Variants in TCF7L2 observed in about 807,000 individuals in gnomAD.
The protein encoded by TCF7L2 is transcription factor 7 like 2.
Under a neutral mutation model 77.9 loss-of-function variants are expected in TCF7L2, and 23 were observed. The ratio of observed to expected loss-of-function variants is 0.30; its 90% CI spans 0.21 to 0.42. TCF7L2 has a LOEUF of 0.42. TCF7L2 is among the 10% of genes least tolerant of loss of function. The pLI, the probability that TCF7L2 is intolerant of heterozygous loss-of-function variation, is 1.00. For synonymous variants in TCF7L2, 413 were observed against 340.2 expected (o/e 1.21, Z -2.36); for missense variants, 654 against 793.1 (o/e 0.82, Z 2.11).
intron 11 of TCF7L2, 141 bp from the exon 12 acceptor site, chr10:113,157,880 G>A (rs2072297169): frequency 1.2e-6 from 1 of 838,162 alleles, no homozygotes; most frequent in Non-Finnish European, 1.9e-6. Context: ...GGGGTTGGAG[G>A]TTGGACAAAT....
chr10:113,056,413 G>T (rs552592987), intron 5 of TCF7L2, among the ~76,000 whole-genome samples: 110 of 152,322 alleles, frequency 7.2e-4, no homozygotes, highest in Non-Finnish European at 2.9e-4. Context: ...ACAGAAAGAA[G>T]GGGAAGAGCT....
intron 5 of TCF7L2, among the ~76,000 whole-genome samples, chr10:113,108,775 T>A (rs1358395040): frequency 1.4e-4 from 22 of 152,166 alleles, no homozygotes; most frequent in Admixed American, 1.4e-3. Flanking sequence ...GAGGTTGCTG[T>A]TTTCCTCCAG....
At position 113,072,495 on chromosome 10, in the gene TCF7L2, C is replaced by T. The variant is rs373378563; in HGVS notation, c.552+32369C>T. Among the ~76,000 whole-genome samples the T allele has an allele frequency of 1.9e-3, 293 of 152,268 alleles. 2 individuals carry two copies. The highest frequency in any genetic ancestry group is 6.7e-3 in the African/African-American group (278 of 41,548). On this transcript the variant is annotated intron_variant, in intron 5 of 13. Coordinates refer to ENST00000627217, the MANE Select transcript of TCF7L2 (RefSeq NM_001146274.2). ...TCAGCCTCCTGAGTAGCTGGGATTA[C>T]AGGCGTGTGCCACCGCCTCCAGCTA...
At chr10:113,141,126 A>G (rs2136831788) in intron 5 of TCF7L2, 58 bp from the exon 6 acceptor site, 1 of 1,599,144 alleles carries the variant, frequency 6.3e-7, no homozygotes. Flanking sequence ...CGGTGCTCTG[A>G]AGCCCTGGGC....
intron 4 of TCF7L2, among the ~76,000 whole-genome samples, chr10:112,989,035 C>T (rs755350001): frequency 6.6e-6 from 1 of 152,006 alleles, no homozygotes; most frequent in Admixed American, 6.6e-5. Context: ...TCATGCTCTG[C>T]GGTTGCTATG....
At chr10:113,072,080 G>A (rs1171572600) in intron 5 of TCF7L2, among the ~76,000 whole-genome samples, 6 of 151,908 alleles carry the variant, frequency 3.9e-5, no homozygotes, top group Non-Finnish European at 7.4e-5. Context: ...TTTTTGAGAC[G>A]GAGTCTTGCT....
At chr10:113,037,889 C>G (rs1368339189) in intron 4 of TCF7L2, among the ~76,000 whole-genome samples, 1 of 152,002 alleles carries the variant, frequency 6.6e-6, no homozygotes, top group Non-Finnish European at 1.5e-5. Flanking sequence ...TGGTGGGTGT[C>G]CATTTTGGTT....
intron 12 of TCF7L2, 118 bp from the exon 14 acceptor site, chr10:113,159,802 T>A (rs1477634732): frequency 1.5e-6 from 1 of 688,646 alleles, no homozygotes; most frequent in East Asian, 2.9e-5. Flanking sequence ...TTTTTATTTT[T>A]ATTTTTTTCT....
chr10:113,067,795 A>G (rs992748059), intron 5 of TCF7L2, among the ~76,000 whole-genome samples: 8 of 151,688 alleles, frequency 5.3e-5, no homozygotes, highest in Non-Finnish European at 1.2e-4. Context: ...GGAGGGTTAT[A>G]TATGACCTTC....
chr10:112,951,325 G>T (rs2134195328), intron 2 of TCF7L2, 52 bp downstream of exon 2: 1 of 987,024 alleles, frequency 1.0e-6, no homozygotes. Context: ...CCCCGGGCCG[G>T]CCGCCCCGCG....
intron 5 of TCF7L2, among the ~76,000 whole-genome samples, chr10:113,050,263 C>T (rs562708887): frequency 6.6e-6 from 1 of 152,268 alleles, no homozygotes; most frequent in Non-Finnish European, 1.5e-5. Flanking sequence ...CACAAGGACA[C>T]CGTCTGTGTT....
intron 5 of TCF7L2, among the ~76,000 whole-genome samples, chr10:113,121,787 C>CAT (rs1486221291): frequency 2.0e-5 from 3 of 151,948 alleles, no homozygotes; most frequent in Non-Finnish European, 2.9e-5. Flanking sequence ...CACACACACA[C>CAT]ACACACACAA....
chr10:112,983,135 G>GTT (rs747412006), intron 4 of TCF7L2, among the ~76,000 whole-genome samples: 1 of 145,958 alleles, frequency 6.9e-6, no homozygotes, highest in Non-Finnish European at 1.5e-5. Flanking sequence ...TTGTTTTTTT[G>GTT]TTTTTTTTTT....
chr10:113,077,390 G>T (rs532900758), intron 5 of TCF7L2, among the ~76,000 whole-genome samples: 20 of 152,234 alleles, frequency 1.3e-4, no homozygotes, highest in South Asian at 4.1e-4. Context: ...TAATTCAGTG[G>T]TTTTTTGTAT....
In TCF7L2 at chr10:113,167,318, A is replaced by G; in HGVS notation, c.*1346A>G. 1 of 227,998 alleles carries G rather than the reference A, an allele frequency of 4.4e-6. No individual in the cohort carries two copies. Among genetic ancestry groups the G allele is most frequent in the Non-Finnish European group, 8.7e-6 (1 of 114,858 alleles). 14.1% of individuals were successfully genotyped at this position (227,998 alleles called of 1,614,324 possible). A position where few individuals can be genotyped will look rare whatever the true frequency, so the allele number is the denominator to read the frequency against. The stretch of plus-strand genomic sequence containing the variant: ...AACCAGCTGCCGCTTTTATGTACAC[A>G]TATTACATACGAGTAGGCAGCAGAC... On this transcript the variant is annotated 3_prime_UTR_variant, in exon 14 of 14. Transcript: ENST00000627217.
At chr10:112,993,180 C>T (rs1469788583) in intron 4 of TCF7L2, among the ~76,000 whole-genome samples, 1 of 152,154 alleles carries the variant, frequency 6.6e-6, no homozygotes, top group Non-Finnish European at 1.5e-5. Context: ...CAGAGTCTTC[C>T]AGGGGCAGGA....
chr10:113,092,605 GT>G (rs1330561838), intron 5 of TCF7L2, among the ~76,000 whole-genome samples: 1 of 152,204 alleles, frequency 6.6e-6, no homozygotes, highest in Non-Finnish European at 1.5e-5. Context: ...TGGTGGCTGG[GT>G]GTGGTGGGTC....
chr10:112,987,331 G>C (rs906549915), intron 4 of TCF7L2: 1 of 151,826 alleles, frequency 6.6e-6, no homozygotes, highest in South Asian at 2.1e-4. Context: ...TCCCTCCAAG[G>C]ATTGTTGTGA....
chr10:113,150,846 C>A (rs531957348), intron 8 of TCF7L2, 152 bp from the exon 9 acceptor site: 2 of 901,954 alleles, frequency 2.2e-6, no homozygotes, highest in Non-Finnish European at 3.3e-6. Flanking sequence ...TTTAATTTAT[C>A]GCTAATTAAT....
Sources: gnomAD v4.1 joint callset for allele counts (sites outside exome capture counted in the v4.1 genomes callset) on GRCh38, gnomAD v4.1.1 for gene constraint, MANE v1.5 for transcripts, NCBI Gene and HGNC (gene_info 2026-07-23, HGNC 2026-07-21) for gene names.